Variants in PCDHGA8 observed in about 807,000 individuals in gnomAD.
PCDHGA8 encodes the protein protocadherin gamma subfamily A, 8, also known as protocadherin gamma-A8.
A neutral mutation model predicts 59.2 loss-of-function variants in PCDHGA8; 45 were observed. The ratio of observed to expected loss-of-function variants is 0.76; its 90% CI spans 0.60 to 0.98. The LOEUF is 0.98. PCDHGA8 is among the 50% of genes least tolerant of loss of function. The pLI is 0.00. For synonymous variants in PCDHGA8, 531 were observed against 519.0 expected (o/e 1.02, Z -0.32); for missense variants, 1,257 against 1,196.2 (o/e 1.05, Z -0.75).
At chr5:141,413,352 G>T in intron 1 of PCDHGA8, 11 of 1,613,976 alleles carry the variant, frequency 6.8e-6, no homozygotes, top group Non-Finnish European at 9.3e-6. Flanking sequence ...TGGGTCTGGC[G>T]CCCCGGGAGC....
chr5:141,417,963 A>C (rs1260025037), intron 1 of PCDHGA8: 1 of 1,613,258 alleles, frequency 6.2e-7, no homozygotes, highest in Non-Finnish European at 8.5e-7. Flanking sequence ...CCGATCCGCT[A>C]CTCGATTCCG....
chr5:141,431,450 A>T lies in PCDHGA8; in HGVS notation c.2424+36213A>T, dbSNP rs1468567743. 1 of 1,613,740 alleles carries T rather than the reference A, an allele frequency of 6.2e-7. No homozygotes were observed. Among genetic ancestry groups the T allele is most frequent in the Admixed American group, 1.7e-5 (1 of 60,032 alleles). ...CACAGGCACCGCGCGCATCCGCGTG[A>T]TGGTTCTGGATGCGAACGACAACGC... On this transcript the variant is annotated intron_variant, in intron 1 of 3. Transcript: ENST00000398604. This position sits in a 1 kb window ranked among gnomAD's most constrained non-coding sequence, Gnocchi z 4.8.
rs1460389320 is a variant in PCDHGA8 at position 141,490,134 on chromosome 5, C to T, written c.2425-4673C>T. The T allele has an allele frequency of 2.5e-6, 4 of 1,614,114 alleles. No homozygotes were observed. Among genetic ancestry groups the T allele is most frequent in the Admixed American group, 3.3e-5 (2 of 59,998 alleles). ...GGAACCTCTTTGGCCTAGACCCTAG[C>T]AGTGGGGCAATCCATGTGTTGGGTC... On this transcript the variant is annotated intron_variant, in intron 1 of 3. Coordinates refer to ENST00000398604, the MANE Select transcript of PCDHGA8 (RefSeq NM_032088.2). This position sits in a 1 kb window ranked among gnomAD's most constrained non-coding sequence, Gnocchi z 5.4.
chr5:141,408,752 G>A (rs780102602), intron 1 of PCDHGA8: 8 of 1,610,388 alleles, frequency 5.0e-6, no homozygotes, highest in Non-Finnish European at 5.9e-6. Flanking sequence ...AATGGTTAGA[G>A]TTAATTCCGA....
At chr5:141,473,735 A>G (rs529416084) in intron 1 of PCDHGA8, among the ~76,000 whole-genome samples, 75 of 152,352 alleles carry the variant, frequency 4.9e-4, no homozygotes, top group African/African-American at 1.6e-3. Context: ...GAGAGGGAGA[A>G]GACATGAGAA....
In PCDHGA8 at chr5:141,487,198, T is replaced by C; in HGVS notation, c.2425-7609T>C. ...AAGACACTCATCCAGTTGTCCCAGA[T>C]CTTCGAGAATCTTCAGCTCCAAGGG... On this transcript the variant is annotated intron_variant, in intron 1 of 3. Transcript: ENST00000398604. The surrounding 1 kb of genome is among the most constrained non-coding windows in gnomAD (Gnocchi z 5.0). The C allele has an allele frequency of 6.2e-7, 1 of 1,613,854 alleles. No homozygotes were observed.
rs2099692694 is a variant in PCDHGA8, at chr5:141,489,817, GAGCTGGTGCTAGAGCAGC to G, written c.2425-4983_2425-4966del. On this transcript the variant is annotated intron_variant, in intron 1 of 3. Transcript: ENST00000398604. This position sits in a 1 kb window ranked among gnomAD's most constrained non-coding sequence, Gnocchi z 4.5. ...CCTAAAAGATGGGAAGCCATTCCCA[GAGCTGGTGCTAGAGCAGC>G]AGCTGGATCGTGAAGCCCAGGCAAG... 6 of 1,613,992 alleles carry G rather than the reference GAGCTGGTGCTAGAGCAGC, an allele frequency of 3.7e-6. No individual in the cohort carries two copies. Among genetic ancestry groups the G allele is most frequent in the Non-Finnish European group, 5.1e-6 (6 of 1,179,944 alleles).
At chr5:141,413,406 G>A (rs2095636376) in intron 1 of PCDHGA8, 1 of 1,613,950 alleles carries the variant, frequency 6.2e-7, no homozygotes, top group Non-Finnish European at 8.5e-7. Context: ...GTAGGACGCA[G>A]CTTTTCTCTC....
intron 1 of PCDHGA8, chr5:141,422,952 C>A (rs759618535): frequency 6.2e-7 from 1 of 1,614,254 alleles, no homozygotes; most frequent in Non-Finnish European, 8.5e-7. Context: ...GCTCCACTGG[C>A]GTGGAGCTGG....
In PCDHGA8 at chr5:141,485,507, G is replaced by A. The variant is rs766643911; in HGVS notation, c.2425-9300G>A. 6.8e-6 allele frequency: 11 copies of A among 1,614,174 alleles called. No homozygotes were observed. Among genetic ancestry groups the A allele is most frequent in the Non-Finnish European group, 8.5e-6 (10 of 1,180,036 alleles). ...CGTGCCCCTGGAGTTTGTCACCGAA[G>A]GTCCTTTGGAAATGTACCGAGCAGA... On this transcript the variant is annotated intron_variant, in intron 1 of 3. Transcript: ENST00000398604. The surrounding 1 kb of genome is among the most constrained non-coding windows in gnomAD (Gnocchi z 5.7).
At position 141,393,745 on chromosome 5, in the gene PCDHGA8, A is replaced by T; in HGVS notation, c.932A>T (p.Glu311Val). 1 of 1,613,898 alleles carries T rather than the reference A, an allele frequency of 6.2e-7. No individual in the cohort carries two copies. ...ATAGCAAAAAGTCTAGATTATGAAG[A>T]ATGTTCATTTTATGAAATGGAAATA... The part of the protein sequence containing the change: ...ISIAKSLDYE[E>V]CSFYEMEIQA... The change falls in exon 1 of 4, where the codon GAA becomes GTA. Residue 311 changes from glutamate to valine, a missense_variant. Glu to Val is a moderately radical substitution (Grantham distance 121, BLOSUM62 -2). Transcript: ENST00000398604.
Position 141,395,179 on chromosome 5 carries a change from A to T in PCDHGA8, c.2366A>T (p.Asp789Val), listed in dbSNP as rs1031739375. 2 of 1,614,164 alleles carry T rather than the reference A, an allele frequency of 1.2e-6. No homozygotes were observed. The highest frequency in any genetic ancestry group is 1.7e-6 in the Non-Finnish European group (2 of 1,180,000). ...AGTCAGGAGGGCTGTGAGAAAAATG[A>T]TTCTTTGTTAACATCCGTAGATTTT... ...LISQEGCEKNDSLLTSVDFHE... is the reference protein window; with the variant it reads ...LISQEGCEKNVSLLTSVDFHE... Residue 789 changes from aspartate (D) to valine (V), a missense_variant, in exon 1 of 4, where the codon GAT (aspartate) becomes GTT (valine). Asp to Val is a radical substitution (Grantham distance 152). Transcript: ENST00000398604.
At chr5:141,420,029 G>T (rs1382842280) in intron 1 of PCDHGA8, 2 of 1,614,082 alleles carry the variant, frequency 1.2e-6, no homozygotes, top group Non-Finnish European at 1.7e-6. Flanking sequence ...CCCTACTGCA[G>T]GAGACTGCTT....
chr5:141,505,570 C>A, intron 3 of PCDHGA8, 89 bp downstream of exon 3: 1 of 1,598,160 alleles, frequency 6.3e-7, no homozygotes, highest in South Asian at 1.1e-5. Context: ...GACTGGATGT[C>A]AAACCTGTGT....
chr5:141,410,311 C>T lies in PCDHGA8; in HGVS notation c.2424+15074C>T, dbSNP rs867067555. On this transcript the variant is annotated intron_variant, in intron 1 of 3. Coordinates refer to ENST00000398604, the MANE Select transcript of PCDHGA8 (RefSeq NM_032088.2). ...CCTTGGCCTTAATCTCAGTGCTCTT[C>T]CTCCTCGCCGTGATTCTGGCCATTG... 4 of 1,613,936 alleles carry T rather than the reference C, an allele frequency of 2.5e-6. No homozygotes were observed. In the African/African-American group the frequency reaches 5.3e-5, roughly 22 times the overall value.
Position 141,431,473 on chromosome 5 carries a change from C to G in PCDHGA8, c.2424+36236C>G, listed in dbSNP as rs750300971. ...TGATGGTTCTGGATGCGAACGACAA[C>G]GCACCAGCGTTTGCTCAGCCCGAGT... On this transcript the variant is annotated intron_variant, in intron 1 of 3. Coordinates refer to ENST00000398604, the MANE Select transcript of PCDHGA8 (RefSeq NM_032088.2). This position sits in a 1 kb window ranked among gnomAD's most constrained non-coding sequence, Gnocchi z 4.8. 5.0e-6 allele frequency: 8 copies of G among 1,613,832 alleles called. No homozygotes were observed. The highest frequency in any genetic ancestry group is 1.7e-5 in the Admixed American group (1 of 60,026).
In PCDHGA8 at chr5:141,400,300, C is replaced by A. The variant is rs1267834290; in HGVS notation, c.2424+5063C>A. The stretch of plus-strand genomic sequence containing the variant: ...CCCTGCCGCCTGGAGCTGCTTCCAA[C>A]CTGGTCTCTGTGTCAAGTCTGGACC... On this transcript the variant is annotated intron_variant, in intron 1 of 3. Transcript: ENST00000398604. 6.8e-6 allele frequency: 11 copies of A among 1,613,966 alleles called. No individual in the cohort carries two copies. The African/African-American group carries it at 1.3e-4, about 20-fold the overall frequency.
chr5:141,465,385 C>T (rs752724696), intron 1 of PCDHGA8, among the ~76,000 whole-genome samples: 3 of 151,978 alleles, frequency 2.0e-5, no homozygotes, highest in Admixed American at 6.6e-5. Context: ...AGATTAGGAA[C>T]AAAAACAAGT....
At chr5:141,463,518 G>C (rs537466389) in intron 1 of PCDHGA8, among the ~76,000 whole-genome samples, 1 of 139,068 alleles carries the variant, frequency 7.2e-6, no homozygotes, top group African/African-American at 2.8e-5. Context: ...GCGTGATCTC[G>C]GCTTACTAGA....
Sources: gnomAD v4.1 joint callset for allele counts (sites outside exome capture counted in the v4.1 genomes callset) on GRCh38, gnomAD v4.1.1 for gene constraint, Gnocchi (gnomAD v3.1) non-coding constraint, MANE v1.5 for transcripts, NCBI Gene and HGNC (gene_info 2026-07-23, HGNC 2026-07-21) for gene names.